Variants in SH2D6 observed in about 807,000 individuals in gnomAD.
SH2D6 encodes SH2 domain-containing protein 6.
In SH2D6, 31 loss-of-function variants were observed where a neutral mutation model predicts 30.2. The observed-to-expected ratio is 1.03, with a 90% CI of 0.77 to 1.38. The LOEUF is 1.38. Ranked by LOEUF, SH2D6 falls within the 40% of genes most tolerant of loss-of-function variation. The pLI, the probability that SH2D6 is intolerant of heterozygous loss-of-function variation, is 0.00. For synonymous variants in SH2D6, 93 were observed against 104.6 expected (o/e 0.89, Z 0.68); for missense variants, 240 against 266.8 (o/e 0.90, Z 0.70).
Position 85,434,355 on chromosome 2 carries a change from C to A in SH2D6, c.549C>A (p.Pro183=). ...TSVVPRPTTA[P]QETRNGTADA... is the part of the protein sequence containing the mutation. ...CTTCCCACAGGCCTACCACAGCCCC[C>A]CAGGAAACTCGGAATGTAAGAGGCT... The change falls in exon 18 of 24, where the codon CCC becomes CCA. Residue 183 remains proline, a synonymous_variant. Transcript: ENST00000469800. 6.5e-7 allele frequency: 1 copy of A among 1,548,972 alleles called. No individual in the cohort carries two copies. The highest frequency in any genetic ancestry group is 8.7e-7 in the Non-Finnish European group (1 of 1,145,790).
At chr2:85,424,852 G>A (rs1687918665) in intron 5 of SH2D6, among the ~76,000 whole-genome samples, 1 of 152,162 alleles carries the variant, frequency 6.6e-6, no homozygotes, top group African/African-American at 2.4e-5. Context: ...TGGATCACAA[G>A]GTCAGGAGTT....
chr2:85,420,284 T>A (rs1687700842), intron 2 of SH2D6, among the ~76,000 whole-genome samples: 1 of 152,116 alleles, frequency 6.6e-6, no homozygotes, highest in Non-Finnish European at 1.5e-5. Context: ...CACGCCTGGC[T>A]AATTTTCGTA....
chr2:85,435,421 T>C lies in SH2D6; in HGVS notation c.657T>C (p.Asp219=). Reference sequence around the variant, plus strand: ...ACTGTGTGTATGCACAGGACAGTGATCTGCTGACTCAGCCTTGGTACTCGG... The same window carrying C: ...ACTGTGTGTATGCACAGGACAGTGACCTGCTGACTCAGCCTTGGTACTCGG... ...TGSASAAEDS[D]LLTQPWYSGN... is the part of the protein sequence containing the mutation. The change falls in exon 21 of 24, where the codon GAT becomes GAC. Residue 219 remains aspartate (D), a synonymous_variant. Coordinates refer to ENST00000469800, the MANE Select transcript of SH2D6 (RefSeq NM_001394463.1). 6.2e-7 allele frequency: 1 copy of C among 1,613,808 alleles called. No individual in the cohort carries two copies. Among genetic ancestry groups the C allele is most frequent in the Non-Finnish European group, 8.5e-7 (1 of 1,179,928 alleles).
chr2:85,428,299 A>G (rs991284496), intron 6 of SH2D6, among the ~76,000 whole-genome samples: 7 of 152,216 alleles, frequency 4.6e-5, no homozygotes, highest in African/African-American at 1.7e-4. Context: ...TTTAGGGCAC[A>G]GGCTCTGGGG....
chr2:85,434,088 GC>G lies in SH2D6; in HGVS notation c.513del (p.Arg172GlyfsTer35). 5 of 1,550,588 alleles carry G rather than the reference GC, an allele frequency of 3.2e-6. No individual in the cohort carries two copies. Among genetic ancestry groups the G allele is most frequent in the Middle Eastern group, 1.7e-4 (1 of 5,992 alleles). ...AAGTCCTGATGCCCTCAGGCCCTCT[GC>G]CCAGGACATCAGTGGTGCCCAGGTA... ...FQVLMPSGPLPRTSVVPRPTT... is the reference protein window; with the variant it reads ...FQVLMPSGPLXRTSVVPRPTT... On this transcript the variant is annotated frameshift_variant, in exon 17 of 24. Coordinates refer to ENST00000469800, the MANE Select transcript of SH2D6 (RefSeq NM_001394463.1). LOFTEE classifies it high-confidence loss of function.
In SH2D6 at chr2:85,434,604, A is replaced by G; in HGVS notation, c.589+107A>G. 3 of 1,262,186 alleles carry G rather than the reference A, an allele frequency of 2.4e-6. No homozygotes were observed. The South Asian group carries it at 4.4e-5, about 18-fold the overall frequency. The allele number at this position is 1,262,186 out of a possible 1,614,324, so 78.2% of individuals were successfully genotyped here. On this transcript the variant is annotated intron_variant, in intron 19 of 23. Transcript: ENST00000469800. Reference sequence around the variant, plus strand: ...CCCTTTCCCCACTTCTCACTACTGCACTTGACTAGACTTAAAAAAAAAAAA... The same window carrying G: ...CCCTTTCCCCACTTCTCACTACTGCGCTTGACTAGACTTAAAAAAAAAAAA...
At chr2:85,421,830 T>C (rs1573203239) in intron 2 of SH2D6, 2 of 152,294 alleles carry the variant, frequency 1.3e-5, no homozygotes, top group East Asian at 3.9e-4. Context: ...ACACTCCAGA[T>C]AAGAAGGGCC....
intron 5 of SH2D6, among the ~76,000 whole-genome samples, chr2:85,424,024 T>G (rs1331199270): frequency 6.6e-6 from 1 of 152,336 alleles, no homozygotes; most frequent in East Asian, 1.9e-4. Context: ...TGCAGCTCCC[T>G]GCCCTGTCCC....
In SH2D6 at chr2:85,434,084, C is replaced by G; in HGVS notation, c.506C>G (p.Pro169Arg). The G allele has an allele frequency of 6.4e-7, 1 of 1,550,628 alleles. No homozygotes were observed. Among genetic ancestry groups the G allele is most frequent in the Middle Eastern group, 1.7e-4 (1 of 5,992 alleles). The change falls in exon 17 of 24, where the codon CCT (proline) becomes CGT (arginine). Residue 169 changes from proline (P) to arginine (R), a missense_variant. By Grantham distance (103) the Pro-to-Arg change is moderately radical. Transcript: ENST00000469800. ...LSFQVLMPSG[P>R]LPRTSVVPRP... ...TTCCAAGTCCTGATGCCCTCAGGCC[C>G]TCTGCCCAGGACATCAGTGGTGCCC...
chr2:85,431,136 G>C (rs886455056), intron 12 of SH2D6, 74 bp from the exon 13 acceptor site: 3 of 143,846 alleles, frequency 2.1e-5, no homozygotes, highest in African/African-American at 8.1e-5. Context: ...AGGCTGGTCG[G>C]GGGGAGGCGG....
chr2:85,427,570 C>A (rs1475793178), intron 6 of SH2D6, among the ~76,000 whole-genome samples: 1 of 152,202 alleles, frequency 6.6e-6, no homozygotes, highest in Non-Finnish European at 1.5e-5. Context: ...GCAGCATGGA[C>A]TGGGAAACTC....
chr2:85,420,895 G>A (rs997016625), intron 2 of SH2D6: 3 of 152,370 alleles, frequency 2.0e-5, no homozygotes, highest in Admixed American at 6.5e-5. Flanking sequence ...GGGGTGAGGG[G>A]ACTGTGGCTT....
At chr2:85,433,660 T>A (rs1478017465) in intron 16 of SH2D6, 29 bp downstream of exon 16, 1 of 1,049,352 alleles carries the variant, frequency 9.5e-7, no homozygotes. Context: ...TCCAGACCCC[T>A]CCTGCCCGAG....
chr2:85,435,602 C>G, intron 21 of SH2D6, 64 bp from the exon 22 acceptor site: 2 of 1,579,972 alleles, frequency 1.3e-6, no homozygotes, highest in South Asian at 2.4e-5. Flanking sequence ...CTGGCCCCAT[C>G]ATGGGTCAGG....
At chr2:85,434,613 G>C in intron 19 of SH2D6, 116 bp downstream of exon 19, 8 of 989,776 alleles carry the variant, frequency 8.1e-6, no homozygotes, top group African/African-American at 1.8e-5. Context: ...CACTTGACTA[G>C]ACTTAAAAAA....
At chr2:85,432,340 C>T (rs1415167250) in intron 14 of SH2D6, among the ~76,000 whole-genome samples, 5 of 151,514 alleles carry the variant, frequency 3.3e-5, no homozygotes, top group Admixed American at 6.6e-5. Context: ...CTCTGCCTCC[C>T]GGGTTCAAGC....
chr2:85,422,878 TTTTG>T (rs1252268019), intron 5 of SH2D6, among the ~76,000 whole-genome samples, 188 bp downstream of exon 5: 3 of 152,170 alleles, frequency 2.0e-5, no homozygotes, highest in Non-Finnish European at 2.9e-5. Context: ...CACACCAGAC[TTTTG>T]TTTGTTTGTT....
intron 13 of SH2D6, 78 bp downstream of exon 13, chr2:85,431,346 G>C (rs964903298): frequency 2.0e-5 from 3 of 146,728 alleles, no homozygotes; most frequent in Admixed American, 1.4e-4. Flanking sequence ...GTGAATCTTA[G>C]AGGCATCTCA....
chr2:85,435,444 C>G lies in SH2D6; in HGVS notation c.680C>G (p.Ser227Trp). Reference protein sequence around the residue: ...DSDLLTQPWYSGNCDRYAVES... With the variant: ...DSDLLTQPWYWGNCDRYAVES... Reference sequence around the variant, plus strand: ...GATCTGCTGACTCAGCCTTGGTACTCGGGGAACTGTGACCGCTATGCTGTT... The same window carrying G: ...GATCTGCTGACTCAGCCTTGGTACTGGGGGAACTGTGACCGCTATGCTGTT... Residue 227 changes from serine (S) to tryptophan (W), a missense_variant, in exon 21 of 24, where the codon TCG becomes TGG. Ser to Trp is a radical substitution (Grantham distance 177). Coordinates refer to ENST00000469800, the MANE Select transcript of SH2D6 (RefSeq NM_001394463.1). 6.2e-7 allele frequency: 1 copy of G among 1,613,870 alleles called. No homozygotes were observed. Among genetic ancestry groups the G allele is most frequent in the Non-Finnish European group, 8.5e-7 (1 of 1,179,994 alleles).
Sources: gnomAD v4.1 joint callset for allele counts (sites outside exome capture counted in the v4.1 genomes callset) on GRCh38, gnomAD v4.1.1 for gene constraint, MANE v1.5 for transcripts, NCBI Gene and HGNC (gene_info 2026-07-23, HGNC 2026-07-21) for gene names.